MGAT4C: variants seen among roughly 807,000 people sequenced by gnomAD.
MGAT4C encodes alpha-1,3-mannosyl-glycoprotein 4-beta-N-acetylglucosaminyltransferase C.
In MGAT4C, 19 loss-of-function variants were observed where a neutral mutation model predicts 40.1. The observed-to-expected ratio is 0.47, with a 90% confidence interval of 0.33 to 0.70. The LOEUF (loss-of-function observed/expected upper bound fraction) is 0.70, where lower values mean the gene tolerates loss of function less well. Among genes scored for constraint, MGAT4C ranks in the 30% least tolerant of loss-of-function variants. The pLI, the probability that MGAT4C is intolerant of heterozygous loss-of-function variation, is 0.02. For synonymous variants in MGAT4C, 181 were observed against 187.1 expected (o/e 0.97, Z 0.27); for missense variants, 491 against 563.2 (o/e 0.87, Z 1.30).
At chr12:86,689,932 G>C (rs557857367) in intron 2 of MGAT4C, among the ~76,000 whole-genome samples, 3 of 152,154 alleles carry the variant, frequency 2.0e-5, no homozygotes, top group Non-Finnish European at 4.4e-5. Context: ...CTCTCCCCAG[G>C]TGCTCTGTCC....
At chr12:86,827,729 C>T (rs1261427166) in intron 1 of MGAT4C, among the ~76,000 whole-genome samples, 5 of 150,960 alleles carry the variant, frequency 3.3e-5, no homozygotes, top group Admixed American at 6.6e-5. Context: ...AAAAATGTGG[C>T]AGAAAAAAAG....
chr12:86,320,870 C>T (rs1954368021), intron 4 of MGAT4C, among the ~76,000 whole-genome samples: 2 of 152,128 alleles, frequency 1.3e-5, no homozygotes, highest in Admixed American at 1.3e-4. Flanking sequence ...TAGCAACTTA[C>T]ATTTTTATCC....
At chr12:86,109,184 T>G (rs987134277) in intron 1 of MGAT4C, among the ~76,000 whole-genome samples, 7 of 152,146 alleles carry the variant, frequency 4.6e-5, no homozygotes, top group Admixed American at 2.0e-4. Context: ...TTGTAATTAA[T>G]TAGACACTAG....
At chr12:86,443,575 CTGTT>C (rs1216203818) in intron 2 of MGAT4C, among the ~76,000 whole-genome samples, 3 of 151,994 alleles carry the variant, frequency 2.0e-5, no homozygotes, top group African/African-American at 7.2e-5. Flanking sequence ...AGCTACCAAA[CTGTT>C]TTTTTTTTGT....
intron 1 of MGAT4C, among the ~76,000 whole-genome samples, chr12:86,809,196 G>C (rs929623723): frequency 6.6e-6 from 1 of 151,972 alleles, no homozygotes; most frequent in Non-Finnish European, 1.5e-5. Flanking sequence ...TTTTTATTTA[G>C]CATAATCCTT....
chr12:85,968,645 C>T lies in MGAT4C; in HGVS notation c.*10644G>A, dbSNP rs1156940877. On this transcript the variant is annotated 3_prime_UTR_variant, in exon 5 of 5. Transcript: ENST00000611864. Reference sequence around the variant, plus strand: ...ATAAATGGGAAGTTTTGGAATTTTACTGTGGTACAGTCTTAGTTGCTCCGT... The same window carrying T: ...ATAAATGGGAAGTTTTGGAATTTTATTGTGGTACAGTCTTAGTTGCTCCGT... The T allele has an allele frequency of 6.6e-6, 1 of 151,872 alleles. No individual in the cohort carries two copies. Among genetic ancestry groups the T allele is most frequent in the African/African-American group, 2.4e-5 (1 of 41,398 alleles). 9.4% of individuals were successfully genotyped at this position (151,872 alleles called of 1,614,324 possible).
chr12:86,438,088 C>T (rs1247663331), intron 2 of MGAT4C, among the ~76,000 whole-genome samples: 1 of 151,908 alleles, frequency 6.6e-6, no homozygotes, highest in Non-Finnish European at 1.5e-5. Context: ...AAAAGCTAGG[C>T]TTCTTATGCT....
chr12:86,308,240 G>A (rs562290605), intron 4 of MGAT4C, among the ~76,000 whole-genome samples: 54 of 150,512 alleles, frequency 3.6e-4, no homozygotes, highest in South Asian at 3.5e-3. Flanking sequence ...AAAATTTGAT[G>A]CATTTATTGA....
At chr12:86,707,181 T>G (rs563084857) in intron 2 of MGAT4C, among the ~76,000 whole-genome samples, 3 of 152,138 alleles carry the variant, frequency 2.0e-5, no homozygotes. Flanking sequence ...TGGGAACTGC[T>G]AAAAAGATAC....
chr12:86,457,713 G>A (rs566225999), intron 2 of MGAT4C, among the ~76,000 whole-genome samples: 40 of 152,122 alleles, frequency 2.6e-4, no homozygotes, highest in Non-Finnish European at 4.7e-4. Context: ...TAGAGGCTGT[G>A]GCTTGTAATG....
At chr12:86,762,202 C>G (rs1951419680) in intron 1 of MGAT4C, among the ~76,000 whole-genome samples, 1 of 151,966 alleles carries the variant, frequency 6.6e-6, no homozygotes, top group Admixed American at 6.6e-5. Flanking sequence ...CAGGTATAAG[C>G]CACCACACCT....
At chr12:86,269,981 G>T (rs11103907) in intron 4 of MGAT4C, among the ~76,000 whole-genome samples, 1 of 151,986 alleles carries the variant, frequency 6.6e-6, no homozygotes, top group Non-Finnish European at 1.5e-5. Context: ...TCACGCTGTT[G>T]TACAAGCATC....
chr12:86,564,891 A>G (rs1422968355), intron 2 of MGAT4C, among the ~76,000 whole-genome samples: 1 of 152,158 alleles, frequency 6.6e-6, no homozygotes, highest in Non-Finnish European at 1.5e-5. Flanking sequence ...CTTGGGCCAT[A>G]TGACTCAGCA....
chr12:86,657,712 T>C (rs905639569), intron 2 of MGAT4C, among the ~76,000 whole-genome samples: 7 of 151,882 alleles, frequency 4.6e-5, no homozygotes, highest in African/African-American at 1.7e-4. Flanking sequence ...ACTATACTAG[T>C]AAATATGCTG....
intron 2 of MGAT4C, among the ~76,000 whole-genome samples, chr12:86,489,289 C>A (rs1371460245): frequency 6.6e-6 from 1 of 152,180 alleles, no homozygotes; most frequent in Admixed American, 6.6e-5. Flanking sequence ...CTCCCCTCCC[C>A]ACTGAGAGCT....
chr12:86,768,855 A>G (rs1301011111), intron 1 of MGAT4C, among the ~76,000 whole-genome samples: 2 of 152,030 alleles, frequency 1.3e-5, no homozygotes, highest in Non-Finnish European at 2.9e-5. Context: ...TACACCTTAT[A>G]CAAAAATTAA....
At chr12:86,061,658 G>A (rs1433640403) in intron 1 of MGAT4C, among the ~76,000 whole-genome samples, 1 of 151,638 alleles carries the variant, frequency 6.6e-6, no homozygotes, top group Non-Finnish European at 1.5e-5. Flanking sequence ...GCGGTCTGAG[G>A]TCAACCTGGG....
chr12:86,564,104 A>T (rs1315589583), intron 2 of MGAT4C, among the ~76,000 whole-genome samples: 1 of 152,114 alleles, frequency 6.6e-6, no homozygotes, highest in Non-Finnish European at 1.5e-5. Flanking sequence ...AGGGGTGGTG[A>T]TTCCCGCCAT....
intron 1 of MGAT4C, among the ~76,000 whole-genome samples, chr12:86,799,514 A>C (rs1565997687): frequency 2.0e-5 from 3 of 151,902 alleles, no homozygotes. Flanking sequence ...TCATTATGTC[A>C]ATTTTCTTTT....
Sources: allele counts gnomAD v4.1 joint callset (sites outside exome capture counted in the v4.1 genomes callset), GRCh38; gene constraint gnomAD v4.1.1; transcripts MANE v1.5; gene names NCBI Gene and HGNC (gene_info 2026-07-23, HGNC 2026-07-21).